The following NRG3 variants were observed in gnomAD, a reference collection of about 807,000 sequenced individuals.
The protein encoded by NRG3 is pro-neuregulin-3, membrane-bound isoform.
NRG3 carries 31 observed loss-of-function variants against 66.9 expected under a neutral mutation model. The ratio of observed to expected loss-of-function variants is 0.46; its 90% CI spans 0.35 to 0.63. The LOEUF (loss-of-function observed/expected upper bound fraction) is 0.63. Among genes scored for constraint, NRG3 ranks in the 20% least tolerant of loss-of-function variants. The pLI, the probability that NRG3 is intolerant of heterozygous loss-of-function variation, is 0.00. For missense variants in NRG3, 910 were observed against 878.9 expected (o/e 1.04, Z -0.45); for synonymous variants, 393 against 359.4 (o/e 1.09, Z -1.06).
chr10:82,656,055 C>T (rs1400099597), intron 2 of NRG3, among the ~76,000 whole-genome samples: 1 of 152,304 alleles, frequency 6.6e-6, no homozygotes, highest in East Asian at 1.9e-4. Flanking sequence ...AGTCAGGAAA[C>T]TGTTAAAACT....
At chr10:82,224,764 CA>C (rs1463021798) in intron 1 of NRG3, among the ~76,000 whole-genome samples, 1 of 151,882 alleles carries the variant, frequency 6.6e-6, no homozygotes, top group Non-Finnish European at 1.5e-5. Context: ...TCTCAATTGC[CA>C]AAAAAGTATC....
At chr10:82,172,400 G>A (rs545077114) in intron 1 of NRG3, among the ~76,000 whole-genome samples, 2 of 152,064 alleles carry the variant, frequency 1.3e-5, no homozygotes, top group South Asian at 2.1e-4. Flanking sequence ...GCTTGTCTTT[G>A]ATTTATTTTT....
chr10:82,851,819 C>A (rs1179213085), intron 3 of NRG3, among the ~76,000 whole-genome samples: 1 of 152,046 alleles, frequency 6.6e-6, no homozygotes, highest in Non-Finnish European at 1.5e-5. Flanking sequence ...AAAAATTAAG[C>A]AAATCATTTA....
At chr10:81,895,974 A>G (rs7912575) in intron 1 of NRG3, among the ~76,000 whole-genome samples, 9,320 of 152,192 alleles carry the variant, frequency 0.061, 587 homozygotes, top group East Asian at 0.19. Context: ...TATTTATTCT[A>G]TGAGCTAATT....
chr10:82,723,858 T>G (rs972971162), intron 2 of NRG3, among the ~76,000 whole-genome samples: 62 of 152,068 alleles, frequency 4.1e-4, no homozygotes, highest in African/African-American at 1.5e-3. Context: ...CACACACCTG[T>G]AATCCCAGCT....
chr10:82,886,091 C>A (rs1025777178), intron 4 of NRG3, among the ~76,000 whole-genome samples: 4 of 152,128 alleles, frequency 2.6e-5, no homozygotes, highest in African/African-American at 4.8e-5. Flanking sequence ...GTCTCGAGGT[C>A]CTGACCTCTG....
intron 2 of NRG3, among the ~76,000 whole-genome samples, chr10:82,675,547 T>C (rs2053625254): frequency 6.6e-6 from 1 of 152,198 alleles, no homozygotes; most frequent in Non-Finnish European, 1.5e-5. Context: ...ATCTCTTGAA[T>C]AATGACTGGC....
At chr10:82,768,698 T>G (rs2135148246) in intron 3 of NRG3, among the ~76,000 whole-genome samples, 1 of 152,316 alleles carries the variant, frequency 6.6e-6, no homozygotes, top group Admixed American at 6.5e-5. Flanking sequence ...ATTTTAATGA[T>G]ATAAAATATC....
chr10:82,269,432 C>T (rs544903032), intron 1 of NRG3, among the ~76,000 whole-genome samples: 256 of 152,176 alleles, frequency 1.7e-3, no homozygotes, highest in Non-Finnish European at 2.8e-3. Context: ...TCAGCTAATG[C>T]ACTATGTGGT....
intron 1 of NRG3, among the ~76,000 whole-genome samples, chr10:82,089,928 C>G (rs1188595869): frequency 6.6e-6 from 1 of 152,148 alleles, no homozygotes; most frequent in Non-Finnish European, 1.5e-5. Context: ...CTCCTCAGTT[C>G]TGTGATCATA....
At chr10:82,447,297 C>T (rs998235091) in intron 2 of NRG3, among the ~76,000 whole-genome samples, 15 of 152,098 alleles carry the variant, frequency 9.9e-5, no homozygotes, top group African/African-American at 3.1e-4. Context: ...AACCAGCAGT[C>T]GGGGAGGCCA....
chr10:82,691,613 G>T (rs1030443211), intron 2 of NRG3, among the ~76,000 whole-genome samples: 2 of 152,156 alleles, frequency 1.3e-5, no homozygotes, highest in African/African-American at 4.8e-5. Flanking sequence ...TTTTTTATCT[G>T]TGTGAAGGAC....
chr10:81,989,131 C>G (rs560776383), intron 1 of NRG3, among the ~76,000 whole-genome samples: 4 of 152,084 alleles, frequency 2.6e-5, no homozygotes, highest in Admixed American at 6.6e-5. Context: ...TCAAAGACAA[C>G]CCTTATTTCT....
chr10:81,986,527 C>T (rs1016695286), intron 1 of NRG3, among the ~76,000 whole-genome samples: 10 of 151,916 alleles, frequency 6.6e-5, no homozygotes, highest in East Asian at 1.9e-4. Flanking sequence ...GTGAAAATGA[C>T]GCCTGTGTTT....
At chr10:82,827,896 G>A (rs1294542697) in intron 3 of NRG3, among the ~76,000 whole-genome samples, 1 of 152,152 alleles carries the variant, frequency 6.6e-6, no homozygotes, top group Non-Finnish European at 1.5e-5. Flanking sequence ...CTGTCACCAT[G>A]CTGTGGCAAC....
intron 2 of NRG3, among the ~76,000 whole-genome samples, chr10:82,584,011 G>T (rs1483381112): frequency 6.6e-6 from 1 of 152,050 alleles, no homozygotes; most frequent in African/African-American, 2.4e-5. Context: ...GGCTATAATG[G>T]GAATTGAAAA....
intron 1 of NRG3, among the ~76,000 whole-genome samples, chr10:82,337,991 C>T (rs561333948): frequency 3.9e-4 from 60 of 152,266 alleles, no homozygotes; most frequent in Non-Finnish European, 6.6e-4. Flanking sequence ...AAGATCCGCA[C>T]GCCTTCCCTT....
At chr10:82,348,333 G>T (rs2083174040) in intron 1 of NRG3, among the ~76,000 whole-genome samples, 1 of 147,146 alleles carries the variant, frequency 6.8e-6, no homozygotes, top group Admixed American at 6.7e-5. Context: ...ATGAAGCTTA[G>T]TTTGGCTGGA....
chr10:82,780,377 C>T (rs1359212174), intron 3 of NRG3, among the ~76,000 whole-genome samples: 1 of 151,994 alleles, frequency 6.6e-6, no homozygotes, highest in East Asian at 1.9e-4. Context: ...TCCTCTCCAG[C>T]ATCTGTTGAG....
Sources: allele counts gnomAD v4.1 joint callset (sites outside exome capture counted in the v4.1 genomes callset), GRCh38; gene constraint gnomAD v4.1.1; transcripts MANE v1.5; gene names NCBI Gene and HGNC (gene_info 2026-07-23, HGNC 2026-07-21).